The following TPR variants were observed in gnomAD, a reference collection of about 807,000 sequenced individuals.
The protein encoded by TPR is nucleoprotein TPR.
In TPR, 51 loss-of-function variants were observed where a neutral mutation model predicts 316.1. The observed-to-expected ratio is 0.16, with a 90% confidence interval of 0.13 to 0.20. The LOEUF is 0.20. TPR is among the 10% of genes least tolerant of loss of function. The pLI, the probability that TPR is intolerant of heterozygous loss-of-function variation, is 1.00. For synonymous variants in TPR, 981 were observed against 914.7 expected, an observed-to-expected ratio of 1.07 and a Z score of -1.31; for missense variants, 2,272 against 2,754.8, an observed-to-expected ratio of 0.82 and a Z score of 3.92.
rs1178504397 is a variant in TPR, at chr1:186,323,862, T to C, written c.6121A>G (p.Asn2041Asp). 3 of 1,539,328 alleles carry C rather than the reference T, an allele frequency of 1.9e-6. No homozygotes were observed. In the South Asian group the frequency reaches 3.9e-5, roughly 20 times the overall value. ...AAAGAAGATTCTGCAGCACCTGTAT[T>C]TCCTTCACCTGTAGGAAAAGAGAAA... ...AADSQNSGEG[N>D]TGAAESSFSQ... Residue 2041 changes from asparagine to aspartate, a missense_variant, in exon 43 of 51, where the codon AAT becomes GAT. This residue lies in a region of TPR where 435 missense variants were observed against 461.1 expected (regional missense o/e 0.94). Transcript: ENST00000367478.
chr1:186,363,098 T>A (rs1199923695), intron 5 of TPR, 97 bp from the exon 6 acceptor site: 2 of 1,315,926 alleles, frequency 1.5e-6, no homozygotes, highest in East Asian at 5.0e-5. Context: ...CAGAATTTTA[T>A]TTCAAAACAG....
chr1:186,362,435 C>T, intron 6 of TPR, 55 bp from the exon 7 acceptor site: 1 of 1,390,788 alleles, frequency 7.2e-7, no homozygotes, highest in Non-Finnish European at 1.0e-6. Flanking sequence ...TGAAATTACT[C>T]TGACATGAGG....
intron 6 of TPR, 38 bp from the exon 7 acceptor site, chr1:186,362,418 T>C (rs1182017806): frequency 1.3e-6 from 2 of 1,505,414 alleles, no homozygotes; most frequent in African/African-American, 2.8e-5. Context: ...AAGGATGTCA[T>C]ATTAACTGAA....
intron 45 of TPR, among the ~76,000 whole-genome samples, chr1:186,321,660 C>T (rs559768124): frequency 1.2e-4 from 18 of 152,268 alleles, no homozygotes; most frequent in Admixed American, 1.0e-3. Context: ...CAATATCATC[C>T]GCGTTAAATC....
At chr1:186,336,123 C>T (rs528828119) in intron 33 of TPR, among the ~76,000 whole-genome samples, 64 of 152,098 alleles carry the variant, frequency 4.2e-4, no homozygotes, top group South Asian at 2.1e-3. Flanking sequence ...CCAAACGAGG[C>T]ACAAAAAAAT....
In TPR at chr1:186,347,393, C is replaced by T. The variant is rs779015281; in HGVS notation, c.2842G>A (p.Val948Met). ...VSQLRQTEEQ[V>M]NDLKERLKTS... ...TTGAGTCTCTCCTTTAAGTCATTCA[C>T]CTGCTCTTCTGTCTGTCTTAGCTGA... is the stretch of plus-strand genomic sequence containing the variant. Residue 948 changes from valine to methionine, a missense_variant, in exon 22 of 51, where the codon GTG (valine) becomes ATG (methionine). Coordinates refer to ENST00000367478, the MANE Select transcript of TPR (RefSeq NM_003292.3). 2 of 1,614,048 alleles carry T rather than the reference C, an allele frequency of 1.2e-6. No individual in the cohort carries two copies. Among genetic ancestry groups the T allele is most frequent in the Admixed American group, 1.7e-5 (1 of 60,028 alleles).
intron 27 of TPR, chr1:186,342,492 A>G (rs555392267): frequency 5.9e-5 from 9 of 152,326 alleles, no homozygotes; most frequent in Non-Finnish European, 1.2e-4. Context: ...TATTAACTCT[A>G]TTGAACTGGA....
At position 186,347,446 on chromosome 1, in the gene TPR, T is replaced by G. The variant is rs768514376; in HGVS notation, c.2789A>C (p.Asn930Thr). 1.2e-6 allele frequency: 2 copies of G among 1,613,872 alleles called. No individual in the cohort carries two copies. The highest frequency in any genetic ancestry group is 8.5e-7 in the Non-Finnish European group (1 of 1,179,908). ...SQRTGKGQPSNKEDVDDLVSQ... is the reference protein window; with the variant it reads ...SQRTGKGQPSTKEDVDDLVSQ... ...CACAAGATCATCCACATCTTCTTTG[T>G]TGCTAGGCTGACCTAAAAGACATAA... Residue 930 changes from asparagine (N) to threonine (T), a missense_variant, in exon 22 of 51, where the codon AAC (asparagine) becomes ACC (threonine). Coordinates refer to ENST00000367478, the MANE Select transcript of TPR (RefSeq NM_003292.3).
At chr1:186,356,679 T>C (rs1477762755) in intron 14 of TPR, 15 of 429,104 alleles carry the variant, frequency 3.5e-5, no homozygotes, top group Non-Finnish European at 3.7e-5. Context: ...TTGTAAAAAT[T>C]AAATCAGTTC....
intron 11 of TPR, 113 bp from the exon 12 acceptor site, chr1:186,360,109 T>C: frequency 7.7e-7 from 1 of 1,305,462 alleles, no homozygotes; most frequent in Non-Finnish European, 1.1e-6. Context: ...CAATGTTTAC[T>C]ATGTTAGTTA....
chr1:186,352,804 C>T (rs771807736), intron 18 of TPR, among the ~76,000 whole-genome samples: 5 of 152,054 alleles, frequency 3.3e-5, no homozygotes, highest in Non-Finnish European at 7.4e-5. Flanking sequence ...ATGACTGTCC[C>T]AAAATAGGCA....
intron 39 of TPR, among the ~76,000 whole-genome samples, chr1:186,328,606 C>G (rs1430377488): frequency 6.6e-6 from 1 of 151,950 alleles, no homozygotes; most frequent in Admixed American, 6.6e-5. Flanking sequence ...TTTTCCCAAA[C>G]TAGAACTAAT....
At chr1:186,324,856 A>C (rs979166374) in intron 42 of TPR, among the ~76,000 whole-genome samples, 3 of 152,040 alleles carry the variant, frequency 2.0e-5, no homozygotes, top group African/African-American at 7.2e-5. Context: ...AGGAGCAAAA[A>C]TTCCTCCCTC....
At chr1:186,319,008 G>T (rs1460699210) in intron 46 of TPR, among the ~76,000 whole-genome samples, 180 bp from the exon 47 acceptor site, 1 of 151,992 alleles carries the variant, frequency 6.6e-6, no homozygotes, top group African/African-American at 2.4e-5. Context: ...TTTTATTTTA[G>T]AGACAGGGTC....
chr1:186,323,877 GA>G lies in TPR; in HGVS notation c.6113-8del. The G allele has an allele frequency of 1.3e-6, 2 of 1,522,538 alleles. No individual in the cohort carries two copies. Among genetic ancestry groups the G allele is most frequent in the Admixed American group, 2.6e-5 (1 of 38,014 alleles). The allele number at this position is 1,522,538 out of a possible 1,614,324, so 94.3% of individuals were successfully genotyped here. A position where few individuals can be genotyped will look rare whatever the true frequency, so the allele number is the denominator to read the frequency against. On this transcript the variant is annotated splice_polypyrimidine_tract_variant and splice_region_variant and intron_variant, in intron 42 of 50. Transcript: ENST00000367478. ...GCACCTGTATTTCCTTCACCTGTAG[GA>G]AAAGAGAAATTTACTTTTGAACTGC...
Position 186,357,827 on chromosome 1 carries a change from T to C in TPR, c.1498-204A>G, listed in dbSNP as rs186654605. ...GAATAAAATTACTTTTAAGTATGTA[T>C]TGAAGGCTATTACTTATTACAAAGT... On this transcript the variant is annotated intron_variant, in intron 13 of 50. Coordinates refer to ENST00000367478, the MANE Select transcript of TPR (RefSeq NM_003292.3). Among the ~76,000 whole-genome samples, 303 of 152,318 alleles carry C rather than the reference T, an allele frequency of 2.0e-3. 3 individuals are homozygous for C. Among genetic ancestry groups the C allele is most frequent in the African/African-American group, 7.0e-3 (293 of 41,572 alleles).
intron 12 of TPR, among the ~76,000 whole-genome samples, chr1:186,359,432 T>C (rs1659117805): frequency 6.6e-6 from 1 of 152,068 alleles, no homozygotes; most frequent in African/African-American, 2.4e-5. Context: ...CTATTACAAC[T>C]GTCTGATAAA....
chr1:186,327,254 TA>T lies in TPR; in HGVS notation c.5889+205del, dbSNP rs1463470143. ...TATATATTTATATATATAATATATA[TA>T]AATATATAATATATATATTTATATA... On this transcript the variant is annotated intron_variant, in intron 40 of 50. Transcript: ENST00000367478. Among the ~76,000 whole-genome samples, 2 of 26,386 alleles carry T rather than the reference TA, an allele frequency of 7.6e-5. 1 individual carries two copies. Among genetic ancestry groups the T allele is most frequent in the African/African-American group, 2.9e-4 (2 of 6,958 alleles). 17.3% of individuals were successfully genotyped at this position (26,386 alleles called of 152,430 possible).
chr1:186,318,337 AAC>A, intron 48 of TPR, 108 bp downstream of exon 48: 1 of 1,423,364 alleles, frequency 7.0e-7, no homozygotes, highest in Non-Finnish European at 9.4e-7. Flanking sequence ...CAAAAAAAAA[AAC>A]AAAAAAAAAC....
Sources: allele counts gnomAD v4.1 joint callset (sites outside exome capture counted in the v4.1 genomes callset), GRCh38; gene constraint gnomAD v4.1.1; regional missense constraint gnomAD v4.1.1; transcripts MANE v1.5; gene names NCBI Gene and HGNC (gene_info 2026-07-23, HGNC 2026-07-21).